Variants in MDN1 observed in about 807,000 individuals in gnomAD.
MDN1 encodes midasin.
A neutral mutation model predicts 669.2 loss-of-function variants in MDN1; 266 were observed. That is an observed-to-expected ratio of 0.40 (90% confidence interval 0.36 to 0.44). The LOEUF (loss-of-function observed/expected upper bound fraction) is 0.44, where lower values mean the gene tolerates loss of function less well. MDN1 is among the 20% of genes least tolerant of loss of function. The pLI is 1.00. For synonymous variants in MDN1, 2,385 were observed against 2,457.1 expected (o/e 0.97, Z 0.87); for missense variants, 5,940 against 6,754.0 (o/e 0.88, Z 4.22).
At chr6:89,720,665 T>C (rs970678455) in intron 40 of MDN1, among the ~76,000 whole-genome samples, 1 of 152,228 alleles carries the variant, frequency 6.6e-6, no homozygotes, top group Non-Finnish European at 1.5e-5. Context: ...GTTTTGGTCA[T>C]AATTAATATA....
chr6:89,790,532 A>C, intron 5 of MDN1, 131 bp from the exon 6 acceptor site: 3 of 1,083,418 alleles, frequency 2.8e-6, no homozygotes, highest in Non-Finnish European at 4.1e-6. Flanking sequence ...CAAAACTATA[A>C]TAACAACAGG....
chr6:89,646,439 A>G (rs531128152), intron 100 of MDN1, 101 bp downstream of exon 100: 2 of 927,394 alleles, frequency 2.2e-6, no homozygotes, highest in Non-Finnish European at 3.4e-6. Flanking sequence ...GAGCATACCT[A>G]TTAAAACACA....
rs531775803 is a variant in MDN1 at position 89,650,711 on chromosome 6, C to T, written c.16031+21G>A. 3.4e-5 allele frequency: 55 copies of T among 1,596,214 alleles called. No homozygotes were observed. The Admixed American group carries it at 8.5e-4, about 25-fold the overall frequency. ...CCGTCTTCTCAGGGCACTGTGAGGC[C>T]TTCCAGAGGGGAAGACTTACTTCAG... On this transcript the variant is annotated intron_variant, in intron 96 of 101. Transcript: ENST00000369393.
chr6:89,703,602 A>G (rs1813319425), intron 53 of MDN1, among the ~76,000 whole-genome samples: 1 of 152,130 alleles, frequency 6.6e-6, no homozygotes, highest in Admixed American at 6.6e-5. Context: ...GTTATTTGCC[A>G]TTTTCACTAT....
intron 1 of MDN1, 45 bp from the exon 2 acceptor site, chr6:89,803,599 TGA>T: frequency 7.8e-7 from 1 of 1,287,762 alleles, no homozygotes; most frequent in Non-Finnish European, 1.1e-6. Context: ...TTTTTTTTTT[TGA>T]GACACAGTCT....
intron 1 of MDN1, among the ~76,000 whole-genome samples, chr6:89,812,311 G>A (rs1768484672): frequency 6.6e-6 from 1 of 152,008 alleles, no homozygotes; most frequent in Non-Finnish European, 1.5e-5. Context: ...TTGGCCGGGT[G>A]TGGTTACTCA....
intron 3 of MDN1, 105 bp downstream of exon 3, chr6:89,794,472 T>A: frequency 8.7e-7 from 1 of 1,145,120 alleles, no homozygotes. Context: ...AGAACAAAAA[T>A]AACAAATTTT....
chr6:89,692,377 C>A, intron 63 of MDN1, 66 bp downstream of exon 63: 1 of 1,430,932 alleles, frequency 7.0e-7, no homozygotes, highest in Non-Finnish European at 9.4e-7. Flanking sequence ...TCCTGCAGGC[C>A]GCCCTGCTGT....
intron 40 of MDN1, among the ~76,000 whole-genome samples, chr6:89,721,767 CAA>C (rs1454473093): frequency 1.3e-5 from 2 of 151,880 alleles, no homozygotes; most frequent in Non-Finnish European, 2.9e-5. Flanking sequence ...AAGATTAAAA[CAA>C]TGTCTCCAAT....
At position 89,772,540 on chromosome 6, in the gene MDN1, T is replaced by C. The variant is rs369579375; in HGVS notation, c.2083+33A>G. The C allele has an allele frequency of 2.5e-6, 4 of 1,601,396 alleles. No homozygotes were observed. Among genetic ancestry groups the C allele is most frequent in the East Asian group, 2.2e-5 (1 of 44,710 alleles). ...GAAAAAAAGTAGTCAGTGTGAAATA[T>C]CTGGGGGCAGATTTATTTCCTCTAG... On this transcript the variant is annotated intron_variant, in intron 14 of 101. Transcript: ENST00000369393.
chr6:89,665,072 A>G (rs1810091153), intron 84 of MDN1, among the ~76,000 whole-genome samples: 1 of 152,170 alleles, frequency 6.6e-6, no homozygotes, highest in South Asian at 2.1e-4. Context: ...TATGTTGCCC[A>G]GCCTGGAGTA....
At chr6:89,734,223 T>G (rs1367999329) in intron 33 of MDN1, among the ~76,000 whole-genome samples, 1 of 151,954 alleles carries the variant, frequency 6.6e-6, no homozygotes, top group African/African-American at 2.4e-5. Flanking sequence ...AGGCAGAGGT[T>G]GCAGTGAGCC....
chr6:89,643,793 T>C lies in MDN1; in HGVS notation c.*212A>G. On this transcript the variant is annotated 3_prime_UTR_variant, in exon 102 of 102. Coordinates refer to ENST00000369393, the MANE Select transcript of MDN1 (RefSeq NM_014611.3). ...AGGATAACTCTTCTCTAGTTACGAG[T>C]TCAGGCACCTGCTGCTGCTTCCAGG... 4.4e-6 allele frequency: 2 copies of C among 457,854 alleles called. No homozygotes were observed. Among genetic ancestry groups the C allele is most frequent in the Non-Finnish European group, 7.6e-6 (2 of 262,638 alleles). The allele number at this position is 457,854 out of a possible 1,614,324, so 28.4% of individuals were successfully genotyped here. A position where few individuals can be genotyped will look rare whatever the true frequency, so the allele number is the denominator to read the frequency against.
intron 82 of MDN1, among the ~76,000 whole-genome samples, chr6:89,671,935 A>G (rs1049064847): frequency 2.0e-5 from 3 of 152,264 alleles, no homozygotes; most frequent in Admixed American, 1.3e-4. Context: ...GAGTATGTGA[A>G]TAAGATATGA....
intron 17 of MDN1, among the ~76,000 whole-genome samples, chr6:89,759,715 G>C (rs1041426018): frequency 1.3e-5 from 2 of 151,950 alleles, no homozygotes; most frequent in Non-Finnish European, 2.9e-5. Flanking sequence ...AGTGAGCTGA[G>C]ATCCTGCCAT....
At chr6:89,721,808 G>GA (rs1273204781) in intron 40 of MDN1, among the ~76,000 whole-genome samples, 7 of 151,822 alleles carry the variant, frequency 4.6e-5, no homozygotes, top group African/African-American at 7.3e-5. Context: ...TCCAAAAAAA[G>GA]AAAAAAAATA....
chr6:89,791,236 A>AT (rs1562223262), intron 5 of MDN1, among the ~76,000 whole-genome samples: 1 of 152,064 alleles, frequency 6.6e-6, no homozygotes, highest in Non-Finnish European at 1.5e-5. Context: ...TTACTGTTGG[A>AT]TTTTTCTTTT....
intron 31 of MDN1, among the ~76,000 whole-genome samples, chr6:89,742,465 T>C (rs771711652): frequency 2.6e-5 from 4 of 152,112 alleles, no homozygotes; most frequent in Admixed American, 6.6e-5. Flanking sequence ...ATTTGAGTAA[T>C]AAACTCCTGT....
chr6:89,756,363 T>G lies in MDN1; in HGVS notation c.2730A>C (p.Leu910Phe). 2.5e-6 allele frequency: 4 copies of G among 1,589,106 alleles called. No homozygotes were observed. Among genetic ancestry groups the G allele is most frequent in the Non-Finnish European group, 3.4e-6 (4 of 1,163,726 alleles). The change falls in exon 20 of 102, where the codon TTA becomes TTC. Residue 910 changes from leucine to phenylalanine, a missense_variant. By Grantham distance (22) the Leu-to-Phe change is conservative. Coordinates refer to ENST00000369393, the MANE Select transcript of MDN1 (RefSeq NM_014611.3). The part of the protein sequence containing the change: ...NRFTELYVEE[L>F]ESKEDLQVLI... Reference sequence around the variant, plus strand: ...GAACCTGTAAGTCTTCTTTGCTTTCTAATTCTTCTACATAAAGTTCTGTGA... The same window carrying G: ...GAACCTGTAAGTCTTCTTTGCTTTCGAATTCTTCTACATAAAGTTCTGTGA...
Sources: allele counts gnomAD v4.1 joint callset (sites outside exome capture counted in the v4.1 genomes callset), GRCh38; gene constraint gnomAD v4.1.1; transcripts MANE v1.5; gene names NCBI Gene and HGNC (gene_info 2026-07-23, HGNC 2026-07-21).